The following OBI1 variants were observed in gnomAD, a reference collection of about 807,000 sequenced individuals.
OBI1 encodes ORC ubiquitin ligase 1, also known as ring finger protein 219.
In OBI1, 59 loss-of-function variants were observed where a neutral mutation model predicts 62.4. The observed-to-expected ratio is 0.95, with a 90% CI of 0.77 to 1.17. The LOEUF (loss-of-function observed/expected upper bound fraction) is 1.17. OBI1 is among the 50% of genes most tolerant of loss of function. OBI1 has a pLI of 0.00. For synonymous variants in OBI1, 302 were observed against 292.8 expected (o/e 1.03, Z -0.32); for missense variants, 875 against 830.9 (o/e 1.05, Z -0.65).
At chr13:78,647,618 T>TA (rs1438387813) in intron 1 of OBI1, among the ~76,000 whole-genome samples, 2 of 152,234 alleles carry the variant, frequency 1.3e-5, no homozygotes, top group Admixed American at 6.5e-5. Context: ...AATCAATAAA[T>TA]ACTGAGGGAA....
intron 5 of OBI1, among the ~76,000 whole-genome samples, chr13:78,625,619 T>C (rs762071292): frequency 1.3e-5 from 2 of 152,106 alleles, no homozygotes; most frequent in South Asian, 4.2e-4. Context: ...ACCTTATCAA[T>C]ACAATAAAGA....
chr13:78,624,853 C>T (rs1875619297), intron 5 of OBI1, among the ~76,000 whole-genome samples: 1 of 152,168 alleles, frequency 6.6e-6, no homozygotes, highest in Non-Finnish European at 1.5e-5. Context: ...GGTCTCTGGC[C>T]TTCTGTTTGG....
At chr13:78,638,519 A>C (rs1281294392) in intron 4 of OBI1, among the ~76,000 whole-genome samples, 1 of 152,232 alleles carries the variant, frequency 6.6e-6, no homozygotes, top group African/African-American at 2.4e-5. Flanking sequence ...GGCAAACCAC[A>C]AAGAGGACGA....
intron 1 of OBI1, among the ~76,000 whole-genome samples, chr13:78,648,279 AACAC>A (rs3064402): frequency 0.03 from 4,421 of 146,280 alleles, 99 homozygotes; most frequent in Middle Eastern, 0.062. Flanking sequence ...ACTTCCCCCA[AACAC>A]ACACACACAC....
At position 78,650,098 on chromosome 13, in the gene OBI1, C is replaced by T. The variant is rs1331885896; in HGVS notation, c.73-5101G>A. 5.9e-5 allele frequency among the ~76,000 whole-genome samples: 9 copies of T among 152,130 alleles called. No individual in the cohort carries two copies. The South Asian group carries it at 1.9e-3, about 32-fold the overall frequency. On this transcript the variant is annotated intron_variant, in intron 1 of 5. Transcript: ENST00000282003. ...TCTAATGCAAAGTAAGATTAATTAA[C>T]GTAGGTGTGTATTTTTCTTATCAAT...
At chr13:78,620,793 C>T in intron 5 of OBI1, 1 of 364,424 alleles carries the variant, frequency 2.7e-6, no homozygotes, top group Non-Finnish European at 5.3e-6. Context: ...TTCTCATAGT[C>T]TATCACACAG....
intron 5 of OBI1, among the ~76,000 whole-genome samples, chr13:78,626,132 C>A (rs1217818067): frequency 6.6e-6 from 1 of 152,192 alleles, no homozygotes; most frequent in Non-Finnish European, 1.5e-5. Flanking sequence ...CAAGTCCCTA[C>A]TATCACCTCC....
chr13:78,615,691 C>T lies in OBI1; in HGVS notation c.2070G>A (p.Trp690Ter). ...HSLHNHLQSP[W>*]STSFVPEKRN... ...TCTTTTCAGGCACAAAGGAAGTAGA[C>T]CAAGGAGACTGAAGGTGGTTATGAA... The change falls in exon 6 of 6, where the codon TGG becomes TGA. Residue 690 changes from tryptophan to a stop codon, truncating the protein, a stop_gained. Coordinates refer to ENST00000282003, the MANE Select transcript of OBI1 (RefSeq NM_024546.4). LOFTEE classifies it high-confidence loss of function. 1 of 1,613,962 alleles carries T rather than the reference C, an allele frequency of 6.2e-7. No individual in the cohort carries two copies. Among genetic ancestry groups the T allele is most frequent in the Non-Finnish European group, 8.5e-7 (1 of 1,179,916 alleles).
At chr13:78,634,771 C>T (rs980352393) in intron 5 of OBI1, among the ~76,000 whole-genome samples, 2 of 152,130 alleles carry the variant, frequency 1.3e-5, no homozygotes, top group Non-Finnish European at 2.9e-5. Context: ...CTAAGACTAT[C>T]TAAGAAAATA....
Position 78,616,560 on chromosome 13 carries a change from T to A in OBI1, c.1201A>T (p.Ser401Cys). The change falls in exon 6 of 6, where the codon AGT becomes TGT. Residue 401 changes from serine to cysteine, a missense_variant. Transcript: ENST00000282003. Reference sequence around the variant, plus strand: ...GAGCTCTCTCTATTTTCTGGAGTACTGAGCTGAAGGCAACTAAGGGACAAA... The same window carrying A: ...GAGCTCTCTCTATTTTCTGGAGTACAGAGCTGAAGGCAACTAAGGGACAAA... ...TPLSLSCLQL[S>C]TPENRESSVV... is the part of the protein sequence containing the mutation. 1.2e-6 allele frequency: 2 copies of A among 1,614,118 alleles called. No individual in the cohort carries two copies. Among genetic ancestry groups the A allele is most frequent in the Non-Finnish European group, 1.7e-6 (2 of 1,180,006 alleles).
At chr13:78,639,736 G>A (rs1326828931) in intron 3 of OBI1, among the ~76,000 whole-genome samples, 30 of 148,690 alleles carry the variant, frequency 2.0e-4, no homozygotes, top group African/African-American at 6.2e-4. Flanking sequence ...GTAAACTATC[G>A]CAAGAACAAA....
rs748670195 is a variant in OBI1 at position 78,659,128 on chromosome 13, T to C, written c.-8A>G. The C allele has an allele frequency of 1.2e-6, 2 of 1,609,110 alleles. No individual in the cohort carries two copies. Among genetic ancestry groups the C allele is most frequent in the Non-Finnish European group, 8.5e-7 (1 of 1,177,936 alleles). On this transcript the variant is annotated 5_prime_UTR_variant, in exon 1 of 6. Coordinates refer to ENST00000282003, the MANE Select transcript of OBI1 (RefSeq NM_024546.4). ...CTGCACGGTCTGAGCCATGGCAGCG[T>C]TCAGAATCCCGCCAACACGGAAGTC...
chr13:78,654,499 A>G (rs7321203), intron 1 of OBI1, among the ~76,000 whole-genome samples: 136,673 of 152,200 alleles, frequency 0.9, 61,451 homozygotes, highest in East Asian at 0.99. Flanking sequence ...TGACTTGCTG[A>G]TCAATCAACA....
At chr13:78,629,556 C>A (rs1875784037) in intron 5 of OBI1, among the ~76,000 whole-genome samples, 1 of 152,078 alleles carries the variant, frequency 6.6e-6, no homozygotes, top group Admixed American at 6.5e-5. Flanking sequence ...CAAGTCAATT[C>A]TTCACATCTC....
At chr13:78,637,001 G>C (rs1015943845) in intron 4 of OBI1, among the ~76,000 whole-genome samples, 3 of 152,146 alleles carry the variant, frequency 2.0e-5, no homozygotes, top group African/African-American at 7.2e-5. Context: ...AAGAAGGTTA[G>C]GTGAATAAAA....
At chr13:78,648,850 T>C (rs1210216670) in intron 1 of OBI1, among the ~76,000 whole-genome samples, 1 of 150,830 alleles carries the variant, frequency 6.6e-6, no homozygotes, top group African/African-American at 2.4e-5. Flanking sequence ...GAGGCAGAGG[T>C]TGCGGCGAGC....
chr13:78,653,469 T>C (rs1876604575), intron 1 of OBI1, among the ~76,000 whole-genome samples: 1 of 152,240 alleles, frequency 6.6e-6, no homozygotes, highest in African/African-American at 2.4e-5. Flanking sequence ...AAACTGAGAC[T>C]CTAAGAAATA....
At chr13:78,631,235 T>C (rs1401844730) in intron 5 of OBI1, among the ~76,000 whole-genome samples, 1 of 152,160 alleles carries the variant, frequency 6.6e-6, no homozygotes, top group Non-Finnish European at 1.5e-5. Flanking sequence ...ATGCAGTGGT[T>C]GCAATAGTGA....
intron 3 of OBI1, among the ~76,000 whole-genome samples, chr13:78,640,269 C>G (rs1876173479): frequency 6.6e-6 from 1 of 151,874 alleles, no homozygotes; most frequent in African/African-American, 2.4e-5. Flanking sequence ...CTTAGGGATA[C>G]CAAAATCCAT....
Sources: gnomAD v4.1 joint callset for allele counts (sites outside exome capture counted in the v4.1 genomes callset) on GRCh38, gnomAD v4.1.1 for gene constraint, MANE v1.5 for transcripts, NCBI Gene and HGNC (gene_info 2026-07-23, HGNC 2026-07-21) for gene names.